KCNQ5: variants seen among roughly 807,000 people sequenced by gnomAD.
KCNQ5 encodes the protein potassium voltage-gated channel subfamily Q member 5, also known as potassium voltage-gated channel subfamily KQT member 5.
Under a neutral mutation model 98.2 loss-of-function variants are expected in KCNQ5, and 30 were observed. That is an observed-to-expected ratio of 0.31 (90% CI 0.23 to 0.41). The LOEUF is 0.41. KCNQ5 is among the 10% of genes least tolerant of loss of function. KCNQ5 has a pLI of 1.00. For synonymous variants in KCNQ5, 458 were observed against 449.4 expected (o/e 1.02, Z -0.24); for missense variants, 835 against 1,182.5 (o/e 0.71, Z 4.31).
At position 72,921,842 on chromosome 6, in the gene KCNQ5, A is replaced by T. The variant is rs534101406; in HGVS notation, c.399-82066A>T. ...CAAAGCTGGGTGTCAGTAATTCATA[A>T]CTCACTGAATCACTGAACCTAAACC... On this transcript the variant is annotated intron_variant, in intron 1 of 13. Transcript: ENST00000370398. Among the ~76,000 whole-genome samples, 6 of 152,208 alleles carry T rather than the reference A, an allele frequency of 3.9e-5. No homozygotes were observed. The South Asian group carries it at 1.2e-3, about 32-fold the overall frequency.
chr6:72,711,003 G>A (rs1462242701), intron 1 of KCNQ5, among the ~76,000 whole-genome samples: 1 of 152,108 alleles, frequency 6.6e-6, no homozygotes, highest in Non-Finnish European at 1.5e-5. Flanking sequence ...GACCATAGTA[G>A]TAGGAAGCTA....
intron 1 of KCNQ5, among the ~76,000 whole-genome samples, chr6:72,677,896 G>A (rs1404415430): frequency 6.6e-6 from 1 of 152,204 alleles, no homozygotes. Flanking sequence ...GATTGGGGGT[G>A]CGGTGGCTAG....
intron 1 of KCNQ5, among the ~76,000 whole-genome samples, chr6:72,932,196 T>A (rs1441514557): frequency 3.3e-5 from 5 of 152,040 alleles, no homozygotes; most frequent in Non-Finnish European, 7.4e-5. Context: ...AAACATTGAA[T>A]ATGAATTATA....
chr6:72,724,096 T>G (rs976020686), intron 1 of KCNQ5, among the ~76,000 whole-genome samples: 1 of 152,214 alleles, frequency 6.6e-6, no homozygotes, highest in Non-Finnish European at 1.5e-5. Flanking sequence ...ATAGATGTTT[T>G]CTCTGTGGTT....
chr6:72,723,115 C>T (rs1165817390), intron 1 of KCNQ5, among the ~76,000 whole-genome samples: 1 of 152,100 alleles, frequency 6.6e-6, no homozygotes, highest in Non-Finnish European at 1.5e-5. Flanking sequence ...CTCAACCTCC[C>T]CAAGTGCTGG....
intron 1 of KCNQ5, among the ~76,000 whole-genome samples, chr6:72,721,289 T>C (rs1769944458): frequency 6.6e-6 from 1 of 152,202 alleles, no homozygotes; most frequent in African/African-American, 2.4e-5. Context: ...AGGTAACTTT[T>C]TTTTTCCTTT....
intron 1 of KCNQ5, among the ~76,000 whole-genome samples, chr6:72,677,824 G>T (rs1767490005): frequency 1.3e-5 from 2 of 152,298 alleles, no homozygotes; most frequent in African/African-American, 4.8e-5. Context: ...AAAGTTGAGT[G>T]AGCAGACTTG....
chr6:73,161,250 G>A (rs1010267190), intron 10 of KCNQ5, among the ~76,000 whole-genome samples: 11 of 152,100 alleles, frequency 7.2e-5, no homozygotes, highest in African/African-American at 1.7e-4. Context: ...ATGTGGGACC[G>A]AAAAAAGTGG....
intron 1 of KCNQ5, among the ~76,000 whole-genome samples, chr6:72,859,261 A>G (rs1187752178): frequency 6.6e-6 from 1 of 152,138 alleles, no homozygotes; most frequent in Non-Finnish European, 1.5e-5. Context: ...ACATATGCCT[A>G]TTCCATAATG....
Position 73,077,446 on chromosome 6 carries a change from A to G in KCNQ5, c.741A>G (p.Arg247=). The change falls in exon 4 of 14, where the codon CGA becomes CGG. Residue 247 remains arginine, a synonymous_variant. Transcript: ENST00000370398. ...TCCTCCGCATGGTGCGCATGGACCG[A>G]AGGGGAGGCACTTGGAAATTACTGG... ...LQILRMVRMD[R]RGGTWKLLGS... 6.2e-7 allele frequency: 1 copy of G among 1,614,146 alleles called. No homozygotes were observed.
chr6:72,733,111 G>A (rs776783797), intron 1 of KCNQ5, among the ~76,000 whole-genome samples: 3 of 152,188 alleles, frequency 2.0e-5, no homozygotes, highest in Non-Finnish European at 2.9e-5. Flanking sequence ...CTTAGGAAAA[G>A]AACTGGGCTG....
At chr6:73,144,284 T>C (rs1037717597) in intron 10 of KCNQ5, among the ~76,000 whole-genome samples, 4 of 152,194 alleles carry the variant, frequency 2.6e-5, no homozygotes, top group Admixed American at 2.0e-4. Flanking sequence ...TCGGCTTTTC[T>C]TCCCTTGCCA....
chr6:72,734,176 G>A (rs1301559582), intron 1 of KCNQ5, among the ~76,000 whole-genome samples: 1 of 152,214 alleles, frequency 6.6e-6, no homozygotes, highest in Non-Finnish European at 1.5e-5. Flanking sequence ...AACTTTGATT[G>A]CAGAGGAGCT....
chr6:72,806,176 C>T (rs1031379968), intron 1 of KCNQ5, among the ~76,000 whole-genome samples: 1 of 152,044 alleles, frequency 6.6e-6, no homozygotes, highest in Non-Finnish European at 1.5e-5. Flanking sequence ...AATGTTTTCT[C>T]TTTTACCTGG....
intron 1 of KCNQ5, among the ~76,000 whole-genome samples, chr6:72,932,343 C>G (rs917366863): frequency 6.6e-6 from 1 of 151,906 alleles, no homozygotes; most frequent in African/African-American, 2.4e-5. Context: ...TCCTCATCTT[C>G]CTAATAGGAA....
chr6:72,908,396 T>A (rs1012876578), intron 1 of KCNQ5, among the ~76,000 whole-genome samples: 2 of 152,150 alleles, frequency 1.3e-5, no homozygotes, highest in African/African-American at 4.8e-5. Context: ...AGATAATAGA[T>A]ATGTTAATCT....
chr6:73,015,142 T>C (rs2150333819), intron 2 of KCNQ5, among the ~76,000 whole-genome samples: 1 of 152,182 alleles, frequency 6.6e-6, no homozygotes, highest in East Asian at 1.9e-4. Context: ...TATGAAGCAA[T>C]CAGATGTGAG....
At chr6:72,905,692 G>A (rs960868324) in intron 1 of KCNQ5, among the ~76,000 whole-genome samples, 7 of 151,986 alleles carry the variant, frequency 4.6e-5, no homozygotes, top group South Asian at 2.1e-4. Flanking sequence ...GGGGGTTGTC[G>A]GCACAGGTTC....
chr6:73,139,603 C>G (rs533019069), intron 10 of KCNQ5, among the ~76,000 whole-genome samples: 5 of 152,250 alleles, frequency 3.3e-5, no homozygotes, highest in African/African-American at 1.2e-4. Flanking sequence ...ATTTTTTTCA[C>G]TTTTCTCTCA....
Sources: allele counts gnomAD v4.1 joint callset (sites outside exome capture counted in the v4.1 genomes callset), GRCh38; gene constraint gnomAD v4.1.1; transcripts MANE v1.5; gene names NCBI Gene and HGNC (gene_info 2026-07-23, HGNC 2026-07-21).